Variants in CNTNAP5 observed in about 807,000 individuals in gnomAD.
CNTNAP5 encodes the protein contactin associated protein family member 5.
Under a neutral mutation model 150.2 loss-of-function variants are expected in CNTNAP5, and 72 were observed. The observed-to-expected ratio is 0.48, with a 90% CI of 0.40 to 0.58. The LOEUF (loss-of-function observed/expected upper bound fraction) is 0.58. CNTNAP5 is among the 20% of genes least tolerant of loss of function. CNTNAP5 has a pLI of 0.00. For synonymous variants in CNTNAP5, 672 were observed against 619.8 expected (o/e 1.08, Z -1.25); for missense variants, 1,636 against 1,626.2 (o/e 1.01, Z -0.10).
Position 124,434,530 on chromosome 2 carries a change from G to A in CNTNAP5, c.576G>A (p.Arg192=), listed in dbSNP as rs760949555. 15 of 1,613,850 alleles carry A rather than the reference G, an allele frequency of 9.3e-6. No individual in the cohort carries two copies. Among genetic ancestry groups the A allele is most frequent in the Admixed American group, 3.3e-5 (2 of 59,996 alleles). ...DFDGRSSLLY[R]FNQKLMSTLK... is the part of the protein sequence containing the mutation. The stretch of plus-strand genomic sequence containing the variant: ...ATGGCCGAAGCTCACTTCTGTACAG[G>A]TTCAATCAGAAGTTGATGAGTACTC... Residue 192 remains arginine (R), a synonymous_variant, in exon 5 of 24, where the codon AGG becomes AGA. Transcript: ENST00000682447.
intron 23 of CNTNAP5, 113 bp downstream of exon 23, chr2:124,911,651 A>G: frequency 2.5e-6 from 2 of 796,924 alleles, no homozygotes; most frequent in Non-Finnish European, 4.2e-6. Flanking sequence ...AGCCCCCTAC[A>G]TTACCTGCAA....
intron 19 of CNTNAP5, among the ~76,000 whole-genome samples, chr2:124,823,115 T>C (rs1356918669): frequency 6.6e-6 from 1 of 152,194 alleles, no homozygotes; most frequent in Non-Finnish European, 1.5e-5. Context: ...AAGCAGGCAT[T>C]CACACAACAG....
intron 13 of CNTNAP5, among the ~76,000 whole-genome samples, chr2:124,650,726 A>G (rs1678303645): frequency 1.3e-5 from 2 of 152,216 alleles, no homozygotes; most frequent in Admixed American, 1.3e-4. Flanking sequence ...CACACAGGAA[A>G]TGTACAAATA....
At chr2:124,359,039 G>A (rs1173630715) in intron 3 of CNTNAP5, among the ~76,000 whole-genome samples, 2 of 150,918 alleles carry the variant, frequency 1.3e-5, no homozygotes, top group Non-Finnish European at 3.0e-5. Flanking sequence ...TTGGGAGAGT[G>A]TATGTGTCCA....
intron 13 of CNTNAP5, among the ~76,000 whole-genome samples, chr2:124,685,557 C>T (rs1374504838): frequency 6.6e-6 from 1 of 152,068 alleles, no homozygotes. Context: ...CCAACAAAAG[C>T]AGTTTTATGG....
rs184250703 is a variant in CNTNAP5 at position 124,082,591 on chromosome 2, C to A, written c.82+56859C>A. ...TAATACATTGTTTCCAGTTTTGAGCCATTACAAACAAGACTGTGAAAATTG... is the reference window on the plus strand; with the variant it reads ...TAATACATTGTTTCCAGTTTTGAGCAATTACAAACAAGACTGTGAAAATTG... On this transcript the variant is annotated intron_variant, in intron 1 of 23. Coordinates refer to ENST00000682447, the MANE Select transcript of CNTNAP5 (RefSeq NM_001367498.1). 3.1e-3 allele frequency among the ~76,000 whole-genome samples: 472 copies of A among 152,222 alleles called. 1 individual carries two copies. Among genetic ancestry groups the A allele is most frequent in the African/African-American group, 0.011 (450 of 41,544 alleles).
chr2:124,903,839 A>T (rs1385702281), intron 22 of CNTNAP5, among the ~76,000 whole-genome samples: 3 of 151,884 alleles, frequency 2.0e-5, no homozygotes, highest in Admixed American at 1.3e-4. Context: ...GGATCACCTG[A>T]GGTCAGGAGT....
chr2:124,045,321 T>C (rs1299914431), intron 1 of CNTNAP5, among the ~76,000 whole-genome samples: 2 of 147,032 alleles, frequency 1.4e-5, no homozygotes, highest in Non-Finnish European at 3.0e-5. Flanking sequence ...AATTTTGAGA[T>C]GGAATCTAGC....
At chr2:124,304,184 G>A (rs1029611856) in intron 3 of CNTNAP5, among the ~76,000 whole-genome samples, 6 of 152,092 alleles carry the variant, frequency 3.9e-5, no homozygotes, top group Non-Finnish European at 8.8e-5. Context: ...TGGCAACAAG[G>A]ATAATTGAAT....
intron 3 of CNTNAP5, among the ~76,000 whole-genome samples, chr2:124,410,913 A>G (rs1437308739): frequency 2.0e-5 from 3 of 151,836 alleles, no homozygotes; most frequent in African/African-American, 7.3e-5. Context: ...GACACAAAAA[A>G]CTCTTCAAAA....
intron 10 of CNTNAP5, among the ~76,000 whole-genome samples, chr2:124,528,392 A>G (rs886596809): frequency 9.8e-5 from 15 of 152,312 alleles, no homozygotes; most frequent in Non-Finnish European, 1.6e-4. Context: ...GCTGAGTTGA[A>G]TCTTAAAGCA....
At chr2:124,326,338 CA>C (rs1231626094) in intron 3 of CNTNAP5, among the ~76,000 whole-genome samples, 1 of 152,120 alleles carries the variant, frequency 6.6e-6, no homozygotes, top group Non-Finnish European at 1.5e-5. Flanking sequence ...GTTTTTCAGC[CA>C]AGATCTTCTG....
chr2:124,362,381 G>A (rs182421600), intron 3 of CNTNAP5, among the ~76,000 whole-genome samples: 11 of 152,332 alleles, frequency 7.2e-5, no homozygotes, highest in East Asian at 5.8e-4. Flanking sequence ...TCCTGAAAGC[G>A]ATAAAGAGGA....
intron 7 of CNTNAP5, among the ~76,000 whole-genome samples, chr2:124,499,410 G>A (rs1694226496): frequency 1.3e-5 from 2 of 152,208 alleles, no homozygotes; most frequent in African/African-American, 4.8e-5. Context: ...GTCTGGGCAT[G>A]GGCAAGCCCA....
chr2:124,773,036 C>T lies in CNTNAP5; in HGVS notation c.2752+19C>T, dbSNP rs1351268588. The T allele has an allele frequency of 6.2e-7, 1 of 1,600,492 alleles. No homozygotes were observed. The highest frequency in any genetic ancestry group is 8.6e-7 in the Non-Finnish European group (1 of 1,169,214). On this transcript the variant is annotated intron_variant, in intron 17 of 23. Transcript: ENST00000682447. The stretch of plus-strand genomic sequence containing the variant: ...TTTGTAGGTAGGGGACATCTTAAGG[C>T]TCCTTTTGTGCTAAACCCTGCAAGA...
intron 3 of CNTNAP5, among the ~76,000 whole-genome samples, chr2:124,305,273 AAAAC>A (rs1688659853): frequency 6.6e-6 from 1 of 152,032 alleles, no homozygotes; most frequent in Admixed American, 6.5e-5. Flanking sequence ...CTAAAAAAAA[AAAAC>A]AGACAAACAA....
At chr2:124,754,479 T>C (rs1262459263) in intron 14 of CNTNAP5, among the ~76,000 whole-genome samples, 2 of 151,798 alleles carry the variant, frequency 1.3e-5, no homozygotes, top group Non-Finnish European at 1.5e-5. Context: ...TGGAGAGGAG[T>C]GTGCTTGGCA....
intron 3 of CNTNAP5, among the ~76,000 whole-genome samples, chr2:124,354,885 C>A (rs1689958665): frequency 6.6e-6 from 1 of 151,532 alleles, no homozygotes; most frequent in Non-Finnish European, 1.5e-5. Flanking sequence ...AGTATATAGC[C>A]CGGTTTTTGA....
intron 22 of CNTNAP5, among the ~76,000 whole-genome samples, chr2:124,903,385 CAT>C (rs1307426876): frequency 6.6e-6 from 1 of 151,844 alleles, no homozygotes; most frequent in Non-Finnish European, 1.5e-5. Flanking sequence ...TGTTTGTATA[CAT>C]AGTCACTACT....
Sources: allele counts gnomAD v4.1 joint callset (sites outside exome capture counted in the v4.1 genomes callset), GRCh38; gene constraint gnomAD v4.1.1; transcripts MANE v1.5; gene names NCBI Gene and HGNC (gene_info 2026-07-23, HGNC 2026-07-21).